HIBCH: variants seen among roughly 807,000 people sequenced by gnomAD.
HIBCH encodes the protein 3-hydroxyisobutyryl-CoA hydrolase, mitochondrial.
HIBCH carries 50 observed loss-of-function variants against 58.2 expected under a neutral mutation model. That is an observed-to-expected ratio of 0.86 (90% CI 0.68 to 1.09). HIBCH has a LOEUF of 1.09. HIBCH is among the 50% of genes least tolerant of loss of function. The pLI is 0.00. For synonymous variants in HIBCH, 151 were observed against 146.9 expected (o/e 1.03, Z -0.20); for missense variants, 450 against 449.7 (o/e 1.00, Z -0.01).
Position 190,309,767 on chromosome 2 carries a change from G to T in HIBCH, c.78+987C>A, listed in dbSNP as rs527936941. Among the ~76,000 whole-genome samples, 74 of 151,996 alleles carry T rather than the reference G, an allele frequency of 4.9e-4. 1 individual carries two copies. The South Asian group carries it at 0.015, about 30-fold the overall frequency. ...GCAGAGATGGGGTTTCACAGTCTTA[G>T]CCAGGATGGTCTCGATCTCCTGACC... On this transcript the variant is annotated intron_variant, in intron 2 of 13. Transcript: ENST00000359678.
At chr2:190,275,162 T>G (rs1687513847) in intron 6 of HIBCH, among the ~76,000 whole-genome samples, 1 of 152,162 alleles carries the variant, frequency 6.6e-6, no homozygotes, top group Admixed American at 6.5e-5. Flanking sequence ...CAACTTCATT[T>G]CTATTCGAAA....
intron 1 of HIBCH, among the ~76,000 whole-genome samples, chr2:190,317,740 T>A (rs1038581360): frequency 1.3e-5 from 2 of 152,138 alleles, no homozygotes; most frequent in Non-Finnish European, 2.9e-5. Flanking sequence ...TTAGGTAAGT[T>A]TGAGAATCTA....
intron 11 of HIBCH, among the ~76,000 whole-genome samples, chr2:190,240,386 CTCTTT>C (rs1391308569): frequency 6.6e-6 from 1 of 152,058 alleles, no homozygotes; most frequent in Admixed American, 6.5e-5. Context: ...TGAGTCTTCT[CTCTTT>C]TCTTATTAGT....
intron 11 of HIBCH, among the ~76,000 whole-genome samples, chr2:190,234,482 C>T (rs1386946940): frequency 6.6e-6 from 1 of 152,192 alleles, no homozygotes. Flanking sequence ...GAACAAACTA[C>T]TGTCATGTAA....
At chr2:190,229,274 C>G (rs1200674633) in intron 11 of HIBCH, among the ~76,000 whole-genome samples, 1 of 152,068 alleles carries the variant, frequency 6.6e-6, no homozygotes, top group Non-Finnish European at 1.5e-5. Context: ...CCATTAAGTA[C>G]AGAGTAGAGA....
chr2:190,193,679 A>G (rs1189728207), intron 1 of HIBCH, among the ~76,000 whole-genome samples: 1 of 152,158 alleles, frequency 6.6e-6, no homozygotes, highest in East Asian at 1.9e-4. Flanking sequence ...TATAGATGTC[A>G]TAATGCCCAT....
chr2:190,312,698 T>C (rs1688591751), intron 1 of HIBCH, among the ~76,000 whole-genome samples: 1 of 152,246 alleles, frequency 6.6e-6, no homozygotes, highest in Non-Finnish European at 1.5e-5. Flanking sequence ...AACAACCTAT[T>C]TGTTTAAGTC....
At chr2:190,233,286 T>G (rs6723792) in intron 11 of HIBCH, among the ~76,000 whole-genome samples, 33,887 of 151,994 alleles carry the variant, frequency 0.22, 3,952 homozygotes, top group East Asian at 0.32. Flanking sequence ...AAAAGGCAAG[T>G]CACAGAAAAG....
intron 1 of HIBCH, among the ~76,000 whole-genome samples, chr2:190,195,747 G>GT (rs1163117598): frequency 2.0e-5 from 3 of 152,144 alleles, no homozygotes; most frequent in African/African-American, 4.8e-5. Context: ...AAACAGAGCA[G>GT]TTTTTTAGTG....
intron 2 of HIBCH, among the ~76,000 whole-genome samples, chr2:190,298,606 A>C (rs770185139): frequency 2.0e-5 from 3 of 150,318 alleles, no homozygotes; most frequent in Non-Finnish European, 4.4e-5. Context: ...TTTTTCTTGT[A>C]AATTTAAGTT....
At chr2:190,296,726 T>A in intron 3 of HIBCH, 87 bp downstream of exon 3, 1 of 1,233,610 alleles carries the variant, frequency 8.1e-7, no homozygotes, top group Non-Finnish European at 1.2e-6. Context: ...GAGAATTATG[T>A]GATTCTATGG....
At chr2:190,296,096 G>A (rs990120600) in intron 3 of HIBCH, among the ~76,000 whole-genome samples, 6 of 152,024 alleles carry the variant, frequency 3.9e-5, no homozygotes, top group Admixed American at 1.3e-4. Flanking sequence ...GAAAGTTTAC[G>A]GCCTTCTCTG....
chr2:190,227,477 A>G (rs1685942637), intron 11 of HIBCH, among the ~76,000 whole-genome samples: 1 of 152,126 alleles, frequency 6.6e-6, no homozygotes, highest in African/African-American at 2.4e-5. Context: ...CTAGAAGAAA[A>G]CCTAGGCAAT....
chr2:190,313,231 C>CT, intron 1 of HIBCH, among the ~76,000 whole-genome samples: 1 of 94,264 alleles, frequency 1.1e-5, no homozygotes, highest in African/African-American at 4.1e-5. Context: ...ACAGCCTATT[C>CT]CCCTTATTTA....
At chr2:190,262,629 C>G (rs189187579) in intron 6 of HIBCH, among the ~76,000 whole-genome samples, 198 of 152,306 alleles carry the variant, frequency 1.3e-3, no homozygotes, top group Middle Eastern at 0.01. Flanking sequence ...AAAGGAACAA[C>G]CTAACAGACC....
intron 2 of HIBCH, among the ~76,000 whole-genome samples, chr2:190,310,057 G>A (rs1688518702): frequency 1.3e-5 from 2 of 152,184 alleles, no homozygotes; most frequent in Non-Finnish European, 2.9e-5. Flanking sequence ...GGAAGGACTT[G>A]ACTTGCTGAG....
intron 6 of HIBCH, among the ~76,000 whole-genome samples, chr2:190,283,808 A>C (rs192553091): frequency 7.9e-5 from 12 of 152,340 alleles, no homozygotes; most frequent in Admixed American, 5.9e-4. Flanking sequence ...CCTCATCTGA[A>C]CCACAGATCA....
chr2:190,294,020 GTGTATATATATATATATATATATATA>G (rs1361455619), intron 4 of HIBCH, among the ~76,000 whole-genome samples: 1 of 125,876 alleles, frequency 7.9e-6, no homozygotes, highest in African/African-American at 3.0e-5. Context: ...TATATTTTGT[GTGTATATATATATATATATATATATA>G]TATATATAGC....
intron 7 of HIBCH, among the ~76,000 whole-genome samples, chr2:190,259,557 C>T (rs150875648): frequency 1.4e-4 from 21 of 152,150 alleles, no homozygotes; most frequent in African/African-American, 4.8e-4. Context: ...TGTCGTTTCG[C>T]CATACAGATT....
Sources: allele counts gnomAD v4.1 joint callset (sites outside exome capture counted in the v4.1 genomes callset), GRCh38; gene constraint gnomAD v4.1.1; transcripts MANE v1.5; gene names NCBI Gene and HGNC (gene_info 2026-07-23, HGNC 2026-07-21).